The following SAMD12 variants were observed in gnomAD, a reference collection of about 807,000 sequenced individuals.
The protein encoded by SAMD12 is sterile alpha motif domain containing 12, also known as sterile alpha motif domain-containing protein 12.
Under a neutral mutation model 15.0 loss-of-function variants are expected in SAMD12, and 9 were observed. The ratio of observed to expected loss-of-function variants is 0.60; its 90% CI spans 0.36 to 1.05. The LOEUF (loss-of-function observed/expected upper bound fraction) is 1.05, where lower values mean the gene tolerates loss of function less well. Among genes scored for constraint, SAMD12 ranks in the 50% least tolerant of loss-of-function variants. The pLI is 0.01. For missense variants in SAMD12, 230 were observed against 234.2 expected (o/e 0.98, Z 0.12); for synonymous variants, 86 against 90.1 (o/e 0.96, Z 0.25).
At chr8:118,281,024 T>G (rs1813622259) in intron 4 of SAMD12, among the ~76,000 whole-genome samples, 1 of 152,212 alleles carries the variant, frequency 6.6e-6, no homozygotes, top group Non-Finnish European at 1.5e-5. Context: ...CTTTATATTG[T>G]TAAAACTCAT....
chr8:118,135,973 C>T, the SAMD12 span, among the ~76,000 whole-genome samples: 1,859 of 152,250 alleles, frequency 0.012, 49 homozygotes, highest in African/African-American at 0.043. Context: ...GCTTTGTCCC[C>T]ACTTTGTCTC....
At chr8:118,163,593 C>T in the SAMD12 span, among the ~76,000 whole-genome samples, 1 of 152,178 alleles carries the variant, frequency 6.6e-6, no homozygotes, top group African/African-American at 2.4e-5. Context: ...TGGGGAGCTT[C>T]AGCCGGGTGC....
intron 2 of SAMD12, among the ~76,000 whole-genome samples, chr8:118,558,554 GTTTT>G (rs959246619): frequency 6.6e-6 from 1 of 151,134 alleles, no homozygotes; most frequent in Non-Finnish European, 1.5e-5. Flanking sequence ...TTTTGTTTTT[GTTTT>G]TTTTGTTTGT....
Position 118,487,265 on chromosome 8 carries a change from G to A in SAMD12, c.193-47304C>T, listed in dbSNP as rs1386070677. ...AATTTTATACAATTGTGTATTATGT[G>A]GCACATAATATAAGACTTGAGCACT... On this transcript the variant is annotated intron_variant, in intron 2 of 3. Coordinates refer to ENST00000314727, the MANE Select transcript of SAMD12 (RefSeq NM_207506.3). Among the ~76,000 whole-genome samples the A allele has an allele frequency of 2.0e-5, 3 of 152,120 alleles. No individual in the cohort carries two copies. In the East Asian group the frequency reaches 5.8e-4, roughly 29 times the overall value.
intron 2 of SAMD12, among the ~76,000 whole-genome samples, chr8:118,482,691 G>C (rs1015500661): frequency 9.2e-5 from 14 of 152,140 alleles, no homozygotes; most frequent in African/African-American, 3.4e-4. Context: ...ATATCTGTGG[G>C]AGGTCCTAGA....
At chr8:118,175,045 A>C in the SAMD12 span, among the ~76,000 whole-genome samples, 16 of 148,804 alleles carry the variant, frequency 1.1e-4, no homozygotes, top group Admixed American at 7.3e-4. Context: ...AAAAAAAAAA[A>C]AACAAAAAAA....
chr8:118,378,761 T>G lies in SAMD12; in HGVS notation c.*656A>C. 1 of 984,488 alleles carries G rather than the reference T, an allele frequency of 1.0e-6. No individual in the cohort carries two copies. The highest frequency in any genetic ancestry group is 1.2e-6 in the Non-Finnish European group (1 of 829,062). The allele number at this position is 984,488 out of a possible 1,614,324, so 61.0% of individuals were successfully genotyped here. On this transcript the variant is annotated 3_prime_UTR_variant, in exon 4 of 4. Transcript: ENST00000314727. ...AAAGTTTATAGCCAATGAAGGTTGA[T>G]AGCATCCAAATCTCATGTAGACATA...
chr8:118,495,544 T>G (rs2131025794), intron 2 of SAMD12, among the ~76,000 whole-genome samples: 1 of 138,436 alleles, frequency 7.2e-6, no homozygotes, highest in South Asian at 2.6e-4. Flanking sequence ...CTTCACTTAA[T>G]TCATGTAGGC....
At chr8:118,298,949 T>C (rs1275900867) in intron 4 of SAMD12, among the ~76,000 whole-genome samples, 1 of 152,208 alleles carries the variant, frequency 6.6e-6, no homozygotes, top group Non-Finnish European at 1.5e-5. Flanking sequence ...ATAAACAGAA[T>C]AATAAGCACT....
intron 1 of SAMD12, among the ~76,000 whole-genome samples, chr8:118,595,531 A>G (rs1827702778): frequency 6.6e-6 from 1 of 152,212 alleles, no homozygotes; most frequent in African/African-American, 2.4e-5. Context: ...GAAGGGAAAA[A>G]AAATCAAGTA....
intron 2 of SAMD12, among the ~76,000 whole-genome samples, chr8:118,461,371 G>A (rs1422933720): frequency 1.3e-5 from 2 of 152,142 alleles, no homozygotes; most frequent in Non-Finnish European, 2.9e-5. Flanking sequence ...TACTATGGAT[G>A]TTTCAATTAA....
intron 1 of SAMD12, among the ~76,000 whole-genome samples, chr8:118,583,973 A>G (rs770670969): frequency 5.3e-5 from 8 of 152,208 alleles, no homozygotes; most frequent in Non-Finnish European, 1.0e-4. Flanking sequence ...ACATTAAGGA[A>G]ACACTTGTTC....
chr8:118,330,184 C>T (rs1423890825), intron 4 of SAMD12, among the ~76,000 whole-genome samples: 1 of 152,192 alleles, frequency 6.6e-6, no homozygotes, highest in Non-Finnish European at 1.5e-5. Context: ...CATGGGTAGA[C>T]ATTTCATGTA....
At chr8:118,308,702 T>C (rs1481929700) in intron 4 of SAMD12, among the ~76,000 whole-genome samples, 1 of 132,246 alleles carries the variant, frequency 7.6e-6, no homozygotes, top group South Asian at 2.2e-4. Context: ...AAGGAATATG[T>C]TGTACACATG....
chr8:118,562,728 A>G (rs1242144391), intron 2 of SAMD12, among the ~76,000 whole-genome samples: 1 of 152,232 alleles, frequency 6.6e-6, no homozygotes, highest in Non-Finnish European at 1.5e-5. Context: ...TTATTCCCTG[A>G]AGATATTTAT....
At chr8:118,323,136 C>T (rs1167185730) in intron 4 of SAMD12, among the ~76,000 whole-genome samples, 1 of 152,100 alleles carries the variant, frequency 6.6e-6, no homozygotes, top group African/African-American at 2.4e-5. Context: ...AGACTGGAGT[C>T]CTAAATGTGG....
At chr8:118,540,853 T>A (rs11774993) in intron 2 of SAMD12, among the ~76,000 whole-genome samples, 1 of 152,010 alleles carries the variant, frequency 6.6e-6, no homozygotes, top group Non-Finnish European at 1.5e-5. Context: ...TCTTCATTCC[T>A]TTCTGATGGG....
At chr8:118,371,622 T>C (rs150123572) in intron 4 of SAMD12, among the ~76,000 whole-genome samples, 2 of 151,908 alleles carry the variant, frequency 1.3e-5, no homozygotes, top group East Asian at 1.9e-4. Flanking sequence ...ACTCGGGAGA[T>C]GGTAGAAAAG....
intron 4 of SAMD12, among the ~76,000 whole-genome samples, chr8:118,255,481 T>C (rs888527100): frequency 1.3e-5 from 2 of 149,940 alleles, no homozygotes; most frequent in Non-Finnish European, 3.0e-5. Flanking sequence ...ATTAGGTCTA[T>C]CTCCTAATGC....
Sources: allele counts gnomAD v4.1 joint callset (sites outside exome capture counted in the v4.1 genomes callset), GRCh38; gene constraint gnomAD v4.1.1; transcripts MANE v1.5; gene names NCBI Gene and HGNC (gene_info 2026-07-23, HGNC 2026-07-21).